KCNT2: variants seen among roughly 807,000 people sequenced by gnomAD.
The protein encoded by KCNT2 is potassium sodium-activated channel subfamily T member 2.
In KCNT2, 67 loss-of-function variants were observed where a neutral mutation model predicts 153.8. That is an observed-to-expected ratio of 0.44 (90% CI 0.36 to 0.53). The LOEUF is 0.53. Among genes scored for constraint, KCNT2 ranks in the 20% least tolerant of loss-of-function variants. The probability of loss-of-function intolerance (pLI) is 0.00; values close to 1 mark genes in which losing one functional copy is unlikely to be tolerated. For synonymous variants in KCNT2, 500 were observed against 458.8 expected, an observed-to-expected ratio of 1.09 and a Z score of -1.15; for missense variants, 975 against 1,354.8, an observed-to-expected ratio of 0.72 and a Z score of 4.40.
intron 14 of KCNT2, among the ~76,000 whole-genome samples, chr1:196,369,723 C>A (rs1003004971): frequency 6.6e-6 from 1 of 152,044 alleles, no homozygotes; most frequent in Non-Finnish European, 1.5e-5. Context: ...TCCAGTCTAT[C>A]ATTGTTGGAC....
intron 14 of KCNT2, among the ~76,000 whole-genome samples, chr1:196,347,418 A>G (rs1363375316): frequency 6.6e-6 from 1 of 152,160 alleles, no homozygotes; most frequent in African/African-American, 2.4e-5. Context: ...TTTTAATTCT[A>G]TCACCCAGGT....
At chr1:196,595,232 T>C (rs1433278264) in intron 1 of KCNT2, among the ~76,000 whole-genome samples, 7 of 151,948 alleles carry the variant, frequency 4.6e-5, no homozygotes, top group Non-Finnish European at 8.8e-5. Context: ...AAATGGAGAA[T>C]TGAAATAATT....
intron 13 of KCNT2, among the ~76,000 whole-genome samples, chr1:196,387,710 T>C (rs1670114785): frequency 6.6e-6 from 1 of 151,946 alleles, no homozygotes; most frequent in Admixed American, 6.6e-5. Flanking sequence ...TGGTATATCC[T>C]TGTGTGTGTA....
chr1:196,523,941 C>A (rs1055066247), intron 1 of KCNT2, among the ~76,000 whole-genome samples: 2 of 151,928 alleles, frequency 1.3e-5, no homozygotes, highest in African/African-American at 4.8e-5. Context: ...ACTTGTTGAC[C>A]CTCATTATAG....
intron 19 of KCNT2, among the ~76,000 whole-genome samples, chr1:196,325,338 T>C (rs955973856): frequency 6.6e-6 from 1 of 152,100 alleles, no homozygotes; most frequent in African/African-American, 2.4e-5. Context: ...CCATACAACA[T>C]ATAGCTACTC....
intron 4 of KCNT2, among the ~76,000 whole-genome samples, chr1:196,479,500 AAGGTGG>A (rs59335616): frequency 0.3 from 45,132 of 151,912 alleles, 6,784 homozygotes; most frequent in Admixed American, 0.37. Context: ...TCAAAATGTA[AAGGTGG>A]TATTAAAATA....
chr1:196,489,684 A>G (rs1679711232), intron 3 of KCNT2, among the ~76,000 whole-genome samples, 154 bp downstream of exon 3: 1 of 152,054 alleles, frequency 6.6e-6, no homozygotes, highest in Admixed American at 6.6e-5. Context: ...TACAAGAATT[A>G]TGTAGTGCCT....
chr1:196,294,543 G>A (rs1273019708), intron 22 of KCNT2, among the ~76,000 whole-genome samples: 1 of 152,004 alleles, frequency 6.6e-6, no homozygotes, highest in Non-Finnish European at 1.5e-5. Flanking sequence ...CAAAGTGCTG[G>A]GATTACAGGC....
In KCNT2 at chr1:196,521,091, T is replaced by C. The variant is rs533165219; in HGVS notation, c.96-28750A>G. Among the ~76,000 whole-genome samples, 8 of 152,070 alleles carry C rather than the reference T, an allele frequency of 5.3e-5. No individual in the cohort carries two copies. The East Asian group carries it at 9.6e-4, about 18-fold the overall frequency. On this transcript the variant is annotated intron_variant, in intron 1 of 27. Transcript: ENST00000294725. ...TCTATAGGGAATGTAATAAATTTAC[T>C]AGAAAAAAGAAAACAAGTAGCCCCA...
At chr1:196,309,902 T>C (rs1003838667) in intron 21 of KCNT2, among the ~76,000 whole-genome samples, 1 of 151,940 alleles carries the variant, frequency 6.6e-6, no homozygotes, top group Non-Finnish European at 1.5e-5. Flanking sequence ...GTTTGTTCTA[T>C]TTAAAACTTT....
intron 14 of KCNT2, among the ~76,000 whole-genome samples, chr1:196,372,737 TACCTC>T (rs1015947592): frequency 6.6e-6 from 1 of 151,944 alleles, no homozygotes; most frequent in African/African-American, 2.4e-5. Context: ...AGATAAAACT[TACCTC>T]AGGAACAGAA....
chr1:196,403,213 A>C (rs75784218), intron 12 of KCNT2, among the ~76,000 whole-genome samples: 1 of 151,656 alleles, frequency 6.6e-6, no homozygotes, highest in African/African-American at 2.4e-5. Context: ...CATCCATACA[A>C]TGGAATATTT....
chr1:196,517,960 T>A (rs1468764689), intron 1 of KCNT2, among the ~76,000 whole-genome samples: 1 of 151,998 alleles, frequency 6.6e-6, no homozygotes, highest in Non-Finnish European at 1.5e-5. Flanking sequence ...CTAAGACACA[T>A]AATCATCAGA....
At chr1:196,380,578 G>C (rs915504764) in intron 13 of KCNT2, among the ~76,000 whole-genome samples, 3 of 151,980 alleles carry the variant, frequency 2.0e-5, no homozygotes, top group Admixed American at 6.6e-5. Context: ...TCTAGTGCTG[G>C]GTTTTAATTT....
chr1:196,303,269 G>T (rs1425620764), intron 22 of KCNT2, among the ~76,000 whole-genome samples: 1 of 152,144 alleles, frequency 6.6e-6, no homozygotes, highest in Non-Finnish European at 1.5e-5. Flanking sequence ...AAGGCAACTT[G>T]TGTCTCTCTC....
intron 1 of KCNT2, among the ~76,000 whole-genome samples, chr1:196,583,073 G>A (rs990253325): frequency 6.6e-6 from 1 of 152,016 alleles, no homozygotes; most frequent in Admixed American, 6.6e-5. Flanking sequence ...ATTCATTCCA[G>A]AGAGAGGAAT....
intron 18 of KCNT2, among the ~76,000 whole-genome samples, chr1:196,327,452 C>T (rs1192528089): frequency 4.6e-5 from 7 of 152,072 alleles, no homozygotes; most frequent in Non-Finnish European, 8.8e-5. Flanking sequence ...CAAAACTCAT[C>T]GTTGGGCTAA....
intron 14 of KCNT2, among the ~76,000 whole-genome samples, chr1:196,349,373 T>G (rs1476999476): frequency 6.6e-6 from 1 of 152,146 alleles, no homozygotes. Context: ...CTATCAAATT[T>G]GAAGCTCCAA....
At chr1:196,591,530 T>G (rs1355321005) in intron 1 of KCNT2, among the ~76,000 whole-genome samples, 1 of 152,184 alleles carries the variant, frequency 6.6e-6, no homozygotes, top group Non-Finnish European at 1.5e-5. Flanking sequence ...TTTTGCATTC[T>G]GAAGACTCAT....
Sources: gnomAD v4.1 joint callset for allele counts (sites outside exome capture counted in the v4.1 genomes callset) on GRCh38, gnomAD v4.1.1 for gene constraint, MANE v1.5 for transcripts, NCBI Gene and HGNC (gene_info 2026-07-23, HGNC 2026-07-21) for gene names.